The following MORF4L1 variants were observed in gnomAD, a reference collection of about 807,000 sequenced individuals.
The protein encoded by MORF4L1 is mortality factor 4-like protein 1.
MORF4L1 carries 4 observed loss-of-function variants against 52.9 expected under a neutral mutation model. That is an observed-to-expected ratio of 0.08 (90% CI 0.04 to 0.17). The LOEUF is 0.17. MORF4L1 is among the 10% of genes least tolerant of loss of function. The pLI, the probability that MORF4L1 is intolerant of heterozygous loss-of-function variation, is 1.00. For missense variants in MORF4L1, 214 were observed against 390.4 expected (o/e 0.55, Z 3.81); for synonymous variants, 123 against 134.8 (o/e 0.91, Z 0.61).
chr15:78,872,971 G>T lies in MORF4L1; in HGVS notation c.-47G>T, dbSNP rs902441890. 9 of 1,543,168 alleles carry T rather than the reference G, an allele frequency of 5.8e-6. No homozygotes were observed. In the Admixed American group the frequency reaches 1.8e-4, roughly 31 times the overall value. ...TGGGTGGGGTAGAGAGTAGGGGGCG[G>T]TAGTCGGGGGTGGTGGGAGAAGGAG... is the stretch of plus-strand genomic sequence containing the variant. On this transcript the variant is annotated 5_prime_UTR_variant, in exon 1 of 12. Transcript: ENST00000426013.
chr15:78,894,773 G>A (rs748393961), intron 10 of MORF4L1, 47 bp from the exon 11 acceptor site: 2 of 1,359,710 alleles, frequency 1.5e-6, no homozygotes, highest in Non-Finnish European at 2.1e-6. Flanking sequence ...TGGTTGTAGT[G>A]CCCCTGCCTT....
At chr15:78,883,377 A>C (rs2056637538) in intron 3 of MORF4L1, among the ~76,000 whole-genome samples, 1 of 152,244 alleles carries the variant, frequency 6.6e-6, no homozygotes, top group African/African-American at 2.4e-5. Context: ...CATATAATAG[A>C]TAACCCTGTA....
In MORF4L1 at chr15:78,894,871, C is replaced by T; in HGVS notation, c.854C>T (p.Ala285Val). ...ACACCTCTGGATGAGAAGAGCCTTG[C>T]TTTATTACTCAATTATCTTCACGAT... Reference protein sequence around the residue: ...AYTPLDEKSLALLLNYLHDFL... With the variant: ...AYTPLDEKSLVLLLNYLHDFL... Residue 285 changes from alanine (A) to valine (V), a missense_variant, in exon 11 of 12, where the codon GCT becomes GTT. Ala to Val is a moderately conservative substitution (Grantham distance 64). Coordinates refer to ENST00000426013, the MANE Select transcript of MORF4L1 (RefSeq NM_006791.4). 6.2e-7 allele frequency: 1 copy of T among 1,613,526 alleles called. No homozygotes were observed. Among genetic ancestry groups the T allele is most frequent in the Non-Finnish European group, 8.5e-7 (1 of 1,179,512 alleles).
rs1311424388 is a variant in MORF4L1 at position 78,897,562 on chromosome 15, C to G, written c.*495C>G. 1 of 152,960 alleles carries G rather than the reference C, an allele frequency of 6.5e-6. No homozygotes were observed. Among genetic ancestry groups the G allele is most frequent in the Non-Finnish European group, 1.5e-5 (1 of 68,342 alleles). The allele number at this position is 152,960 out of a possible 1,614,324, so 9.5% of individuals were successfully genotyped here. On this transcript the variant is annotated 3_prime_UTR_variant, in exon 12 of 12. Transcript: ENST00000426013. Reference sequence around the variant, plus strand: ...CCATGTTGTTACTTAGGCATTTTATCTTGGCTCAAATTGTTGAAGAATGGT... The same window carrying G: ...CCATGTTGTTACTTAGGCATTTTATGTTGGCTCAAATTGTTGAAGAATGGT...
At chr15:78,882,854 A>T (rs1428062953) in intron 3 of MORF4L1, among the ~76,000 whole-genome samples, 2 of 152,050 alleles carry the variant, frequency 1.3e-5, no homozygotes, top group African/African-American at 4.8e-5. Flanking sequence ...TGAGCCCAGG[A>T]GTTTGAGGCC....
chr15:78,884,639 CAAA>C (rs71148577), intron 3 of MORF4L1, among the ~76,000 whole-genome samples: 4 of 89,566 alleles, frequency 4.5e-5, no homozygotes, highest in Admixed American at 1.2e-4. Flanking sequence ...AACTCTGTCT[CAAA>C]AAAAAAAAAA....
intron 1 of MORF4L1, chr15:78,876,703 C>T (rs2056499119): frequency 5.5e-6 from 2 of 363,530 alleles, no homozygotes; most frequent in African/African-American, 2.1e-5. Context: ...TTTTAGTTCT[C>T]GTTCCTGGGC....
At chr15:78,879,657 C>T (rs1176779750) in intron 2 of MORF4L1, among the ~76,000 whole-genome samples, 2 of 151,692 alleles carry the variant, frequency 1.3e-5, no homozygotes, top group East Asian at 3.9e-4. Flanking sequence ...GACTCATGGC[C>T]AGGGGCTGTG....
At position 78,882,799 on chromosome 15, in the gene MORF4L1, A is replaced by C. The variant is rs2056626176; in HGVS notation, c.155+2220A>C. ...ATTTTAAAGGAATTGTTTTAGAGCC[A>C]GTATGGTGGTGCCTATAGTTTTAGC... is the stretch of plus-strand genomic sequence containing the variant. On this transcript the variant is annotated intron_variant, in intron 3 of 11. Coordinates refer to ENST00000426013, the MANE Select transcript of MORF4L1 (RefSeq NM_006791.4). Among the ~76,000 whole-genome samples the C allele has an allele frequency of 3.7e-5, 5 of 135,360 alleles. No individual in the cohort carries two copies. In the South Asian group the frequency reaches 1.3e-3, roughly 34 times the overall value. The allele number at this position is 135,360 out of a possible 152,430, so 88.8% of individuals were successfully genotyped here.
At chr15:78,896,041 C>G (rs369936669) in intron 11 of MORF4L1, among the ~76,000 whole-genome samples, 2 of 151,938 alleles carry the variant, frequency 1.3e-5, no homozygotes, top group East Asian at 1.9e-4. Context: ...TGCAGTGATG[C>G]GATCACAGCT....
chr15:78,876,481 AT>A, intron 1 of MORF4L1: 1 of 454,910 alleles, frequency 2.2e-6, no homozygotes, highest in South Asian at 1.6e-5. Context: ...CTAGCTGTAT[AT>A]TTTTTCAACA....
At chr15:78,893,761 A>T in intron 9 of MORF4L1, 134 bp downstream of exon 9, 1 of 672,046 alleles carries the variant, frequency 1.5e-6, no homozygotes, top group Non-Finnish European at 2.5e-6. Context: ...CACTGCTTTG[A>T]CACAGGAGTT....
rs2056912270 is a variant in MORF4L1 at position 78,897,587 on chromosome 15, T to C, written c.*520T>C. 6.5e-6 allele frequency: 1 copy of C among 152,876 alleles called. No individual in the cohort carries two copies. Among genetic ancestry groups the C allele is most frequent in the African/African-American group, 2.4e-5 (1 of 41,432 alleles). 9.5% of individuals were successfully genotyped at this position (152,876 alleles called of 1,614,324 possible). ...CTTGGCTCAAATTGTTGAAGAATGG[T>C]GGCTTGTTTCATGGTTTTTGTATTT... On this transcript the variant is annotated 3_prime_UTR_variant, in exon 12 of 12. Coordinates refer to ENST00000426013, the MANE Select transcript of MORF4L1 (RefSeq NM_006791.4).
At chr15:78,893,926 T>G in intron 9 of MORF4L1, 132 bp from the exon 10 acceptor site, 2 of 830,004 alleles carry the variant, frequency 2.4e-6, no homozygotes, top group Non-Finnish European at 3.8e-6. Flanking sequence ...TGCTTTCATA[T>G]GCCCTTTAAA....
At chr15:78,879,997 A>C (rs887991090) in intron 2 of MORF4L1, among the ~76,000 whole-genome samples, 3 of 152,240 alleles carry the variant, frequency 2.0e-5, no homozygotes, top group Admixed American at 2.0e-4. Flanking sequence ...GATAGTCATC[A>C]CTTGTCATAG....
chr15:78,873,137 C>G (rs935751358), intron 1 of MORF4L1, 80 bp downstream of exon 1: 1 of 1,543,384 alleles, frequency 6.5e-7, no homozygotes, highest in Non-Finnish European at 8.7e-7. Flanking sequence ...GGCTTGAGGG[C>G]CGGGGGCGGC....
At chr15:78,876,834 T>C (rs2056502209) in intron 1 of MORF4L1, among the ~76,000 whole-genome samples, 1 of 152,342 alleles carries the variant, frequency 6.6e-6, no homozygotes, top group East Asian at 1.9e-4. Context: ...AAAAGAATTA[T>C]AGAACTGATT....
chr15:78,872,998 A>C lies in MORF4L1; in HGVS notation c.-20A>C, dbSNP rs374111125. 169 of 1,549,958 alleles carry C rather than the reference A, an allele frequency of 1.1e-4. No individual in the cohort carries two copies. The highest frequency in any genetic ancestry group is 2.3e-4 in the African/African-American group (17 of 73,100). On this transcript the variant is annotated 5_prime_UTR_variant, in exon 1 of 12. Transcript: ENST00000426013. ...AGTCGGGGGTGGTGGGAGAAGGAGGAGGCGGCGAATCACTTATAAATGGCG... is the reference window on the plus strand; with the variant it reads ...AGTCGGGGGTGGTGGGAGAAGGAGGCGGCGGCGAATCACTTATAAATGGCG...
At chr15:78,890,926 G>C in intron 5 of MORF4L1, 63 bp from the exon 6 acceptor site, 2 of 1,326,294 alleles carry the variant, frequency 1.5e-6, no homozygotes, top group South Asian at 3.1e-5. Flanking sequence ...CCTGATAAAG[G>C]GAGTTGAAAC....
Sources: allele counts gnomAD v4.1 joint callset (sites outside exome capture counted in the v4.1 genomes callset), GRCh38; gene constraint gnomAD v4.1.1; transcripts MANE v1.5; gene names NCBI Gene and HGNC (gene_info 2026-07-23, HGNC 2026-07-21).